PSME4: variants seen among roughly 807,000 people sequenced by gnomAD.
The protein encoded by PSME4 is proteasome activator subunit 4.
A neutral mutation model predicts 253.9 loss-of-function variants in PSME4; 89 were observed. The ratio of observed to expected loss-of-function variants is 0.35; its 90% CI spans 0.30 to 0.42. The LOEUF (loss-of-function observed/expected upper bound fraction) is 0.42, where lower values mean the gene tolerates loss of function less well. Ranked by LOEUF, PSME4 falls within the 10% of genes least tolerant of loss-of-function variation. The pLI is 1.00. For missense variants in PSME4, 2,014 were observed against 2,195.2 expected (o/e 0.92, Z 1.65); for synonymous variants, 851 against 759.2 (o/e 1.12, Z -1.99).
chr2:53,916,531 T>C (rs1215489082), intron 20 of PSME4, among the ~76,000 whole-genome samples: 1 of 152,198 alleles, frequency 6.6e-6, no homozygotes, highest in Non-Finnish European at 1.5e-5. Flanking sequence ...ATAATCACCA[T>C]AAATCATGCT....
intron 30 of PSME4, 47 bp from the exon 31 acceptor site, chr2:53,898,046 T>TG: frequency 6.4e-7 from 1 of 1,560,778 alleles, no homozygotes; most frequent in Non-Finnish European, 8.7e-7. Context: ...TAAAACCACT[T>TG]GGAAAAAAAA....
chr2:53,934,786 T>C, intron 7 of PSME4, 59 bp from the exon 8 acceptor site: 1 of 1,339,060 alleles, frequency 7.5e-7, no homozygotes, highest in Non-Finnish European at 1.0e-6. Flanking sequence ...TTCTTTAGCT[T>C]AGTAAGTGCT....
intron 1 of PSME4, among the ~76,000 whole-genome samples, chr2:53,962,937 G>A (rs963355641): frequency 6.6e-6 from 1 of 151,426 alleles, no homozygotes; most frequent in Admixed American, 6.6e-5. Context: ...TTGAACCCAG[G>A]AAGTGGAGGC....
intron 8 of PSME4, among the ~76,000 whole-genome samples, chr2:53,933,755 A>G (rs546034024): frequency 5.3e-5 from 8 of 152,366 alleles, no homozygotes; most frequent in African/African-American, 1.9e-4. Flanking sequence ...ATTCACTCAC[A>G]CAATAACTAA....
chr2:53,895,481 A>G (rs1411094862), intron 33 of PSME4, 102 bp downstream of exon 33: 22 of 1,169,232 alleles, frequency 1.9e-5, no homozygotes, highest in African/African-American at 3.1e-5. Flanking sequence ...GGGGAAAGAT[A>G]AAAGAACCTT....
At chr2:53,939,641 C>A (rs1167601566) in intron 4 of PSME4, among the ~76,000 whole-genome samples, 1 of 152,116 alleles carries the variant, frequency 6.6e-6, no homozygotes, top group Non-Finnish European at 1.5e-5. Context: ...AAGTTATGAA[C>A]CACCTTCTTG....
chr2:53,893,536 T>C, intron 35 of PSME4, 138 bp downstream of exon 35: 9 of 1,487,026 alleles, frequency 6.1e-6, no homozygotes, highest in Non-Finnish European at 7.2e-6. Context: ...CAAAAGTCTG[T>C]ACATGTTCAG....
At chr2:53,965,336 C>T (rs1468083939) in intron 1 of PSME4, among the ~76,000 whole-genome samples, 1 of 151,510 alleles carries the variant, frequency 6.6e-6, no homozygotes, top group Non-Finnish European at 1.5e-5. Context: ...GTAGCCTCTG[C>T]CTCCCAGGTT....
In PSME4 at chr2:53,942,812, C is replaced by G. The variant is rs145377620; in HGVS notation, c.501-2812G>C. Among the ~76,000 whole-genome samples the G allele has an allele frequency of 3.0e-3, 460 of 152,238 alleles. 1 individual carries two copies. Among genetic ancestry groups the G allele is most frequent in the African/African-American group, 0.011 (448 of 41,544 alleles). On this transcript the variant is annotated intron_variant, in intron 3 of 46. Transcript: ENST00000404125. ...TAATTTATGATTTAGGAAATCACAT[C>G]AAAATAGGAAATTCCTCCCCAACTG...
chr2:53,945,441 A>G (rs1669656081), intron 3 of PSME4, among the ~76,000 whole-genome samples: 1 of 152,186 alleles, frequency 6.6e-6, no homozygotes, highest in South Asian at 2.1e-4. Context: ...ATGAGGATAA[A>G]GAGACTAAAA....
intron 21 of PSME4, among the ~76,000 whole-genome samples, chr2:53,909,551 C>T (rs919702055): frequency 2.0e-5 from 3 of 152,144 alleles, no homozygotes; most frequent in African/African-American, 7.2e-5. Flanking sequence ...TTCTTACTGG[C>T]TATTCTTTAT....
intron 41 of PSME4, among the ~76,000 whole-genome samples, chr2:53,881,768 G>C (rs1412332196): frequency 6.6e-6 from 1 of 152,088 alleles, no homozygotes; most frequent in Non-Finnish European, 1.5e-5. Flanking sequence ...ATTTTTAGTA[G>C]AGATGGGGTT....
intron 1 of PSME4, among the ~76,000 whole-genome samples, chr2:53,964,557 G>C (rs1309536325): frequency 6.6e-6 from 1 of 152,072 alleles, no homozygotes; most frequent in South Asian, 2.1e-4. Flanking sequence ...TGATGAGTTT[G>C]GTAACTTGTC....
intron 12 of PSME4, among the ~76,000 whole-genome samples, chr2:53,926,226 G>T (rs563212103): frequency 3.0e-4 from 46 of 152,264 alleles, no homozygotes; most frequent in Admixed American, 1.6e-3. Flanking sequence ...ACCAAAGAAA[G>T]AAGAAATTAA....
chr2:53,963,272 G>T (rs897213255), intron 1 of PSME4, among the ~76,000 whole-genome samples: 1 of 151,958 alleles, frequency 6.6e-6, no homozygotes, highest in Admixed American at 6.6e-5. Flanking sequence ...GTTAAAACAG[G>T]GGGGTATGAT....
intron 26 of PSME4, among the ~76,000 whole-genome samples, chr2:53,906,141 C>T (rs569777970): frequency 6.6e-6 from 1 of 152,274 alleles, no homozygotes; most frequent in Admixed American, 6.5e-5. Flanking sequence ...TGTTCCTACA[C>T]TAAAGGACAG....
chr2:53,962,247 G>T (rs942337964), intron 1 of PSME4, among the ~76,000 whole-genome samples: 1 of 152,128 alleles, frequency 6.6e-6, no homozygotes, highest in Non-Finnish European at 1.5e-5. Flanking sequence ...AGATGGGGAG[G>T]AAAGTCTTTG....
chr2:53,923,263 C>G (rs1159674795), intron 15 of PSME4, 58 bp downstream of exon 15: 2 of 1,520,214 alleles, frequency 1.3e-6, no homozygotes, highest in Non-Finnish European at 1.8e-6. Context: ...AATAATTAAC[C>G]ATATAAACTA....
rs1426993355 is a variant in PSME4, at chr2:53,923,376, AAT to A, written c.1851_1852del (p.Phe618Ter). 6.2e-7 allele frequency: 1 copy of A among 1,610,942 alleles called. No individual in the cohort carries two copies. The highest frequency in any genetic ancestry group is 8.5e-7 in the Non-Finnish European group (1 of 1,179,192). On this transcript the variant is annotated frameshift_variant, in exon 15 of 47. Coordinates refer to ENST00000404125, the MANE Select transcript of PSME4 (RefSeq NM_014614.3). LOFTEE classifies it high-confidence loss of function. ...CATGCGACCTGCTACTCTTGTTTCA[AAT>A]ATATGTGAAGTAGAAAAATTAAAAA...
Sources: allele counts gnomAD v4.1 joint callset (sites outside exome capture counted in the v4.1 genomes callset), GRCh38; gene constraint gnomAD v4.1.1; transcripts MANE v1.5; gene names NCBI Gene and HGNC (gene_info 2026-07-23, HGNC 2026-07-21).